Variants in MYO15B observed in about 807,000 individuals in gnomAD.
The protein encoded by MYO15B is myosin XVB, also known as myosin XVB pseudogene.
MYO15B carries 207 observed loss-of-function variants against 119.3 expected under a neutral mutation model. The observed-to-expected ratio is 1.73, with a 90% CI of 1.55 to 1.95. The LOEUF is 1.95. Among genes scored for constraint, MYO15B ranks in the 30% most tolerant of loss-of-function variants. The pLI is 0.00. For synonymous variants in MYO15B, 966 were observed against 498.9 expected (o/e 1.94, Z -12.48); for missense variants, 2,264 against 1,203.1 (o/e 1.88, Z -13.04).
intron 21 of MYO15B, among the ~76,000 whole-genome samples, chr17:75,609,862 T>G (rs1251078837): frequency 6.6e-6 from 1 of 151,800 alleles, no homozygotes; most frequent in African/African-American, 2.4e-5. Context: ...TGCTGTAATT[T>G]TTGTATTTTT....
intron 41 of MYO15B, 79 bp downstream of exon 41, chr17:75,617,383 G>A (rs2058438709): frequency 5.2e-6 from 3 of 572,374 alleles, no homozygotes; most frequent in East Asian, 3.0e-5. Flanking sequence ...GGTGCCCAGG[G>A]CTGAAGGCAT....
intron 52 of MYO15B, 152 bp from the exon 53 acceptor site, chr17:75,621,852 T>C (rs2058729606): frequency 4.8e-6 from 3 of 621,838 alleles, no homozygotes; most frequent in Non-Finnish European, 8.7e-6. Flanking sequence ...TCCCCATGAG[T>C]CGAGCTGCAA....
chr17:75,589,036 G>C lies in MYO15B; in HGVS notation c.979G>C (p.Gly327Arg), dbSNP rs929616150. The C allele has an allele frequency of 6.0e-5, 24 of 397,188 alleles. No individual in the cohort carries two copies. The highest frequency in any genetic ancestry group is 4.7e-4 in the African/African-American group (23 of 48,682). 24.6% of individuals were successfully genotyped at this position (397,188 alleles called of 1,614,324 possible). ...CGAAGCGGGAGCCGCAGCAGGAGCG[G>C]GGCCGGAGGACCCAGCCCCGCTGGC... Residue 327 changes from glycine (G) to arginine (R), a missense_variant, in exon 1 of 64, where the codon GGG becomes CGG. Physicochemically the swap from Gly to Arg is moderately radical, Grantham distance 125 (BLOSUM62 -2). Coordinates refer to ENST00000645453, the Ensembl canonical transcript of MYO15B. This position sits in a 1 kb window ranked among gnomAD's most constrained non-coding sequence, Gnocchi z 4.2.
chr17:75,612,464 G>A (rs771935787), intron 25 of MYO15B, among the ~76,000 whole-genome samples: 36 of 152,130 alleles, frequency 2.4e-4, no homozygotes, highest in Non-Finnish European at 4.1e-4. Context: ...CCTGAGGTCA[G>A]GAGTTTGAGA....
chr17:75,594,366 C>A (rs1568122228), intron 9 of MYO15B, 109 bp from the exon 10 acceptor site: 4 of 553,166 alleles, frequency 7.2e-6, no homozygotes, highest in Non-Finnish European at 1.3e-5. Flanking sequence ...TGTGACATAT[C>A]TCCCCTTTGG....
At chr17:75,617,742 T>C in intron 41 of MYO15B, 68 bp from the exon 42 acceptor site, 1 of 645,568 alleles carries the variant, frequency 1.5e-6, no homozygotes, top group South Asian at 1.7e-5. Context: ...AGGTCTTCCC[T>C]CCCGTGCCCC....
At chr17:75,597,818 A>C (rs2056966947) in intron 14 of MYO15B, among the ~76,000 whole-genome samples, 1 of 152,220 alleles carries the variant, frequency 6.6e-6, no homozygotes, top group Non-Finnish European at 1.5e-5. Flanking sequence ...TGGGAGGCTG[A>C]GGTGGATGGA....
At chr17:75,591,046 C>A in intron 3 of MYO15B, 30 bp downstream of exon 3, 2 of 659,096 alleles carry the variant, frequency 3.0e-6, no homozygotes, top group Non-Finnish European at 2.8e-6. Flanking sequence ...TGACCCTCTG[C>A]TCACCTCCCA....
At chr17:75,612,680 C>A in intron 25 of MYO15B, 118 bp from the exon 26 acceptor site, 1 of 626,058 alleles carries the variant, frequency 1.6e-6, no homozygotes, top group Non-Finnish European at 2.8e-6. Context: ...AAAAAAAAGG[C>A]ATTAAGATGC....
Position 75,591,974 on chromosome 17 carries a change from C to T in MYO15B, c.2548-3C>T, listed in dbSNP as rs767290519. On this transcript the variant is annotated splice_polypyrimidine_tract_variant and splice_region_variant and intron_variant, in intron 5 of 63. Coordinates refer to ENST00000645453, the Ensembl canonical transcript of MYO15B. ...GGATGCTTGAACACCCCTCCCTGTACAGGTGGAGGATATGCTGCCTATACT... is the reference window on the plus strand; with the variant it reads ...GGATGCTTGAACACCCCTCCCTGTATAGGTGGAGGATATGCTGCCTATACT... 2 of 702,382 alleles carry T rather than the reference C, an allele frequency of 2.8e-6. No homozygotes were observed. Among genetic ancestry groups the T allele is most frequent in the Non-Finnish European group, 2.6e-6 (1 of 384,862 alleles). The allele number at this position is 702,382 out of a possible 1,614,324, so 43.5% of individuals were successfully genotyped here. A position where few individuals can be genotyped will look rare whatever the true frequency, so the allele number is the denominator to read the frequency against.
chr17:75,612,733 G>A (rs1598851939), intron 25 of MYO15B, 65 bp from the exon 26 acceptor site: 7 of 698,172 alleles, frequency 1.0e-5, no homozygotes, highest in African/African-American at 3.5e-5. Context: ...TGCCTGCTCC[G>A]GTGGGGCTCC....
At chr17:75,621,315 A>G (rs1397626044) in intron 50 of MYO15B, 30 bp from the exon 51 acceptor site, 4 of 688,374 alleles carry the variant, frequency 5.8e-6, no homozygotes, top group African/African-American at 3.5e-5. Context: ...GGGCCAAACA[A>G]GCTGGGCTGT....
At chr17:75,602,973 C>T (rs2057380566) in intron 17 of MYO15B, 28 bp downstream of exon 17, 1 of 700,064 alleles carries the variant, frequency 1.4e-6, no homozygotes, top group Admixed American at 2.0e-5. Flanking sequence ...CACACCAGAC[C>T]CCAGGGAGTT....
Position 75,621,410 on chromosome 17 carries a change from T to C in MYO15B, c.7935+2T>C. The C allele has an allele frequency of 1.4e-6, 1 of 699,720 alleles. No individual in the cohort carries two copies. Among genetic ancestry groups the C allele is most frequent in the African/African-American group, 1.7e-5 (1 of 57,246 alleles). 43.3% of individuals were successfully genotyped at this position (699,720 alleles called of 1,614,324 possible). A position where few individuals can be genotyped will look rare whatever the true frequency, so the allele number is the denominator to read the frequency against. The stretch of plus-strand genomic sequence containing the variant: ...GACAGCCTGGTGCAGTACACCAAGG[T>C]GGGAGAGAGGCAGGGAGGGGTCTGG... On this transcript the variant is annotated splice_donor_variant, in intron 51 of 63. Coordinates refer to ENST00000645453, the Ensembl canonical transcript of MYO15B. LOFTEE classifies it high-confidence loss of function.
At chr17:75,601,456 C>T in exon 15 of MYO15B, 1 of 703,080 alleles carries the variant, frequency 1.4e-6, no homozygotes, top group Non-Finnish European at 2.6e-6. Flanking sequence ...CCACACCTTC[C>T]TCCAGAAGAG....
exon 3 of MYO15B, chr17:75,590,946 C>T (rs1404556666): frequency 9.1e-6 from 5 of 547,732 alleles, no homozygotes; most frequent in East Asian, 3.1e-5. Flanking sequence ...GAACCCCCAC[C>T]GGTCCTTGCC....
chr17:75,611,945 C>T (rs545979318), exon 25 of MYO15B: 78 of 702,878 alleles, frequency 1.1e-4, no homozygotes, highest in South Asian at 5.5e-4. Flanking sequence ...GGTTCCTGCC[C>T]GGCCCAGCCT....
intron 25 of MYO15B, 142 bp from the exon 26 acceptor site, chr17:75,612,654 ACT>A: frequency 7.0e-6 from 4 of 568,850 alleles, no homozygotes; most frequent in Admixed American, 3.3e-5. Context: ...GACAGACAAG[ACT>A]CTGCCTCAAA....
intron 53 of MYO15B, among the ~76,000 whole-genome samples, chr17:75,622,914 A>G (rs374549629): frequency 1.8e-4 from 28 of 152,324 alleles, no homozygotes; most frequent in African/African-American, 6.7e-4. Flanking sequence ...GGCAGGCACC[A>G]GGAGTCATCA....
Sources: allele counts gnomAD v4.1 joint callset (sites outside exome capture counted in the v4.1 genomes callset), GRCh38; gene constraint gnomAD v4.1.1; non-coding constraint Gnocchi (gnomAD v3.1); transcripts MANE v1.5; gene names NCBI Gene and HGNC (gene_info 2026-07-23, HGNC 2026-07-21).